Variants in ARHGAP26 observed in about 807,000 individuals in gnomAD.
ARHGAP26 encodes Rho GTPase activating protein 26, also known as rho GTPase-activating protein 26.
ARHGAP26 carries 38 observed loss-of-function variants against 104.8 expected under a neutral mutation model. That is an observed-to-expected ratio of 0.36 (90% CI 0.28 to 0.48). ARHGAP26 has a LOEUF of 0.48. Ranked by LOEUF, ARHGAP26 falls within the 20% of genes least tolerant of loss-of-function variation. The pLI, the probability that ARHGAP26 is intolerant of heterozygous loss-of-function variation, is 0.99. For synonymous variants in ARHGAP26, 341 were observed against 340.0 expected (o/e 1.00, Z -0.03); for missense variants, 704 against 947.9 (o/e 0.74, Z 3.38).
At chr5:143,051,288 G>T (rs246651) in intron 14 of ARHGAP26, among the ~76,000 whole-genome samples, 1 of 152,088 alleles carries the variant, frequency 6.6e-6, no homozygotes, top group Non-Finnish European at 1.5e-5. Context: ...GACGTTCTCC[G>T]CTTATAACCA....
chr5:142,956,663 T>C (rs1469069438), intron 11 of ARHGAP26, among the ~76,000 whole-genome samples: 1 of 152,186 alleles, frequency 6.6e-6, no homozygotes, highest in African/African-American at 2.4e-5. Context: ...ATGAACATGG[T>C]ATTGGAGACT....
chr5:142,813,542 A>T (rs1056109669), intron 1 of ARHGAP26, among the ~76,000 whole-genome samples: 4 of 152,206 alleles, frequency 2.6e-5, no homozygotes, highest in Non-Finnish European at 5.9e-5. Context: ...AGTTTCAATA[A>T]CAAAACTTGG....
At chr5:142,788,253 G>A (rs1032689434) in intron 1 of ARHGAP26, among the ~76,000 whole-genome samples, 1 of 151,948 alleles carries the variant, frequency 6.6e-6, no homozygotes, top group African/African-American at 2.4e-5. Flanking sequence ...CACCCACCTT[G>A]GCCTCCCAAA....
At chr5:142,865,083 CCTT>C (rs1315909022) in intron 1 of ARHGAP26, among the ~76,000 whole-genome samples, 4 of 152,192 alleles carry the variant, frequency 2.6e-5, no homozygotes, top group East Asian at 3.8e-4. Flanking sequence ...CCTGTGGTGA[CCTT>C]CTGCTGTCTT....
At chr5:143,179,491 C>T (rs767457705) in intron 20 of ARHGAP26, among the ~76,000 whole-genome samples, 7 of 152,248 alleles carry the variant, frequency 4.6e-5, no homozygotes, top group African/African-American at 1.4e-4. Context: ...GCACATTGCC[C>T]TTGCTGCTCA....
chr5:142,955,138 C>T (rs1258061768), intron 11 of ARHGAP26, among the ~76,000 whole-genome samples: 1 of 141,632 alleles, frequency 7.1e-6, no homozygotes, highest in African/African-American at 2.6e-5. Flanking sequence ...CCCATCTCTG[C>T]ACACACACAC....
At chr5:142,837,574 G>C (rs757918533) in intron 1 of ARHGAP26, among the ~76,000 whole-genome samples, 1 of 152,180 alleles carries the variant, frequency 6.6e-6, no homozygotes, top group African/African-American at 2.4e-5. Context: ...CTTGTGCCCT[G>C]TACTTGCCCT....
At chr5:142,906,200 A>C (rs77088209) in intron 8 of ARHGAP26, among the ~76,000 whole-genome samples, 1 of 152,136 alleles carries the variant, frequency 6.6e-6, no homozygotes, top group Non-Finnish European at 1.5e-5. Context: ...CTCAGTGGTG[A>C]TGTAAATTTT....
At chr5:142,999,703 C>T (rs1490363589) in intron 11 of ARHGAP26, among the ~76,000 whole-genome samples, 5 of 151,908 alleles carry the variant, frequency 3.3e-5, no homozygotes, top group Non-Finnish European at 5.9e-5. Context: ...AAAATCTATG[C>T]GATCTGGGAT....
At chr5:143,212,973 G>A (rs1199339014) in intron 21 of ARHGAP26, among the ~76,000 whole-genome samples, 1 of 152,118 alleles carries the variant, frequency 6.6e-6, no homozygotes, top group African/African-American at 2.4e-5. Flanking sequence ...GTGAAACCCT[G>A]TCTCTACTAA....
At chr5:142,941,808 T>A (rs772875087) in intron 11 of ARHGAP26, among the ~76,000 whole-genome samples, 2 of 152,224 alleles carry the variant, frequency 1.3e-5, no homozygotes, top group African/African-American at 2.4e-5. Flanking sequence ...AGAGAGTTGA[T>A]GAAATTTTCT....
chr5:142,774,815 T>G (rs1157890437), intron 1 of ARHGAP26, among the ~76,000 whole-genome samples: 1 of 152,204 alleles, frequency 6.6e-6, no homozygotes, highest in Non-Finnish European at 1.5e-5. Context: ...CAGAATGTCA[T>G]GTAGTTGGAA....
chr5:143,090,313 T>C (rs1791226254), intron 17 of ARHGAP26, among the ~76,000 whole-genome samples: 1 of 152,264 alleles, frequency 6.6e-6, no homozygotes, highest in South Asian at 2.1e-4. Context: ...TCTGGCCTGC[T>C]GTGCGCACAA....
intron 17 of ARHGAP26, among the ~76,000 whole-genome samples, chr5:143,116,686 A>T (rs570332646): frequency 6.6e-6 from 1 of 152,152 alleles, no homozygotes; most frequent in Non-Finnish European, 1.5e-5. Flanking sequence ...TCTGGAAGTG[A>T]TTTACCTCCT....
chr5:142,863,846 C>T (rs1753791590), intron 1 of ARHGAP26, among the ~76,000 whole-genome samples: 1 of 152,176 alleles, frequency 6.6e-6, no homozygotes, highest in Non-Finnish European at 1.5e-5. Context: ...GAGGAAAAGG[C>T]ATTCCAGAAA....
At chr5:143,116,686 A>G (rs570332646) in intron 17 of ARHGAP26, among the ~76,000 whole-genome samples, 33 of 152,270 alleles carry the variant, frequency 2.2e-4, no homozygotes, top group African/African-American at 7.7e-4. Context: ...TCTGGAAGTG[A>G]TTTACCTCCT....
intron 20 of ARHGAP26, among the ~76,000 whole-genome samples, chr5:143,155,638 G>T (rs258807): frequency 0.21 from 31,738 of 152,152 alleles, 3,940 homozygotes; most frequent in East Asian, 0.38. Context: ...GTCAGCAGAG[G>T]GGGTATGGGA....
chr5:143,148,264 A>C (rs1799396431), intron 20 of ARHGAP26, among the ~76,000 whole-genome samples: 1 of 152,206 alleles, frequency 6.6e-6, no homozygotes, highest in Non-Finnish European at 1.5e-5. Flanking sequence ...AGACGCTAGC[A>C]TGGCGGTGAG....
intron 1 of ARHGAP26, among the ~76,000 whole-genome samples, chr5:142,811,446 C>T (rs552422667): frequency 7.9e-5 from 12 of 152,210 alleles, no homozygotes; most frequent in Admixed American, 6.5e-4. Flanking sequence ...CTCTGGACGC[C>T]GACAGCATGG....
Sources: allele counts gnomAD v4.1 joint callset (sites outside exome capture counted in the v4.1 genomes callset), GRCh38; gene constraint gnomAD v4.1.1; transcripts MANE v1.5; gene names NCBI Gene and HGNC (gene_info 2026-07-23, HGNC 2026-07-21).